Variants in RALYL observed in about 807,000 individuals in gnomAD.
RALYL encodes RALY RNA binding protein like, also known as RNA-binding Raly-like protein.
Under a neutral mutation model 35.1 loss-of-function variants are expected in RALYL, and 29 were observed. The ratio of observed to expected loss-of-function variants is 0.83; its 90% CI spans 0.61 to 1.13. The LOEUF (loss-of-function observed/expected upper bound fraction) is 1.13. RALYL is among the 50% of genes most tolerant of loss of function. The probability of loss-of-function intolerance (pLI) is 0.00; values close to 1 mark genes in which losing one functional copy is unlikely to be tolerated. For missense variants in RALYL, 359 were observed against 360.4 expected, an observed-to-expected ratio of 1.00 and a Z score of 0.03; for synonymous variants, 120 against 127.6, an observed-to-expected ratio of 0.94 and a Z score of 0.40.
intron 1 of RALYL, among the ~76,000 whole-genome samples, chr8:84,261,360 A>T (rs1443169608): frequency 6.6e-6 from 1 of 152,184 alleles, no homozygotes; most frequent in African/African-American, 2.4e-5. Flanking sequence ...TAATAGAATC[A>T]TGGGGGCGGT....
chr8:84,428,931 G>GA (rs1205123356), intron 1 of RALYL, among the ~76,000 whole-genome samples: 5 of 152,004 alleles, frequency 3.3e-5, no homozygotes, highest in Non-Finnish European at 5.9e-5. Flanking sequence ...ATTTCAAGGG[G>GA]AAAAATTGCA....
chr8:84,568,413 T>A (rs1187366780), intron 2 of RALYL, among the ~76,000 whole-genome samples: 1 of 151,788 alleles, frequency 6.6e-6, no homozygotes, highest in Admixed American at 6.6e-5. Flanking sequence ...TATTCCATGG[T>A]GTGTATGTGC....
chr8:84,225,692 A>G (rs75984494), intron 1 of RALYL, among the ~76,000 whole-genome samples: 1 of 152,058 alleles, frequency 6.6e-6, no homozygotes, highest in African/African-American at 2.4e-5. Flanking sequence ...TTTGGCCTCA[A>G]ACTTGTGTGA....
chr8:84,539,304 T>C lies in RALYL; in HGVS notation c.256+9727T>C, dbSNP rs182048684. Among the ~76,000 whole-genome samples the C allele has an allele frequency of 2.8e-3, 420 of 152,230 alleles. 1 individual carries two copies. The highest frequency in any genetic ancestry group is 5.2e-3 in the Non-Finnish European group (351 of 67,988). On this transcript the variant is annotated intron_variant, in intron 2 of 8. Coordinates refer to ENST00000521268, the MANE Select transcript of RALYL (RefSeq NM_173848.7). ...ATGGTTAAAAACATTTCCTGGGACA[T>C]ACAAAGTGATGTAAAAACCTAAAAG... is the stretch of plus-strand genomic sequence containing the variant.
At chr8:84,235,658 G>A (rs1826352334) in intron 1 of RALYL, among the ~76,000 whole-genome samples, 2 of 151,970 alleles carry the variant, frequency 1.3e-5, no homozygotes, top group Admixed American at 6.5e-5. Context: ...GCATTGGATA[G>A]TTAGTAATAT....
intron 1 of RALYL, among the ~76,000 whole-genome samples, chr8:84,484,710 T>C (rs1172040489): frequency 2.0e-5 from 3 of 152,190 alleles, no homozygotes; most frequent in African/African-American, 7.2e-5. Context: ...CCAAAATACA[T>C]CTATTCATTA....
At chr8:84,589,754 G>A (rs1337310728) in intron 2 of RALYL, among the ~76,000 whole-genome samples, 1 of 152,180 alleles carries the variant, frequency 6.6e-6, no homozygotes, top group African/African-American at 2.4e-5. Flanking sequence ...CACATTTTAA[G>A]AGAAGAGCAA....
At chr8:84,674,621 T>G (rs1833856235) in intron 2 of RALYL, among the ~76,000 whole-genome samples, 1 of 152,212 alleles carries the variant, frequency 6.6e-6, no homozygotes, top group African/African-American at 2.4e-5. Flanking sequence ...CACAGTACTT[T>G]AAAAGTACTT....
intron 2 of RALYL, among the ~76,000 whole-genome samples, chr8:84,755,331 G>A (rs536131328): frequency 1.3e-5 from 2 of 152,124 alleles, no homozygotes; most frequent in Non-Finnish European, 2.9e-5. Flanking sequence ...AGTGTTGTCT[G>A]CCACAAATAC....
chr8:84,367,689 C>T (rs1397587328), intron 1 of RALYL, among the ~76,000 whole-genome samples: 1 of 152,034 alleles, frequency 6.6e-6, no homozygotes, highest in African/African-American at 2.4e-5. Flanking sequence ...CAATCTCTCC[C>T]ATACTTTTCT....
chr8:84,318,912 C>T (rs1252318961), intron 1 of RALYL, among the ~76,000 whole-genome samples: 1 of 152,116 alleles, frequency 6.6e-6, no homozygotes, highest in Non-Finnish European at 1.5e-5. Flanking sequence ...AAAAGTCTTA[C>T]AGGCTTTATT....
intron 1 of RALYL, among the ~76,000 whole-genome samples, chr8:84,185,824 G>A (rs995990635): frequency 1.1e-4 from 16 of 152,090 alleles, no homozygotes; most frequent in African/African-American, 3.9e-4. Context: ...CATGACAAAG[G>A]GGTTTATAAC....
At chr8:84,725,898 G>A (rs2132717225) in intron 2 of RALYL, among the ~76,000 whole-genome samples, 1 of 151,624 alleles carries the variant, frequency 6.6e-6, no homozygotes, top group South Asian at 2.1e-4. Context: ...ATAGTATTAA[G>A]CAATCTTAGT....
At chr8:84,547,008 G>A (rs1200958169) in intron 2 of RALYL, among the ~76,000 whole-genome samples, 2 of 151,992 alleles carry the variant, frequency 1.3e-5, no homozygotes, top group Non-Finnish European at 2.9e-5. Context: ...AGAACGTGCA[G>A]GTTTGTTCCA....
intron 2 of RALYL, among the ~76,000 whole-genome samples, chr8:84,642,068 G>T (rs1478075522): frequency 6.6e-6 from 1 of 151,772 alleles, no homozygotes; most frequent in Non-Finnish European, 1.5e-5. Context: ...AAGCCAATTT[G>T]GTAGCATACT....
Position 84,887,632 on chromosome 8 carries a change from T to G in RALYL, c.714T>G (p.Ser238Arg). 1 of 1,606,924 alleles carries G rather than the reference T, an allele frequency of 6.2e-7. No homozygotes were observed. The highest frequency in any genetic ancestry group is 2.3e-5 in the East Asian group (1 of 44,226). Reference sequence around the variant, plus strand: ...CTCAGAAGAAGCAATTGGAAGAGAGTCTAGTGCTGATCCAAGAGGAATGTG... The same window carrying G: ...CTCAGAAGAAGCAATTGGAAGAGAGGCTAGTGCTGATCCAAGAGGAATGTG... ...AEAQKKQLEE[S>R]LVLIQEECVS... The change falls in exon 8 of 9, where the codon AGT becomes AGG. Residue 238 changes from serine (S) to arginine (R), a missense_variant. By Grantham distance (110) the Ser-to-Arg change is moderately radical. Transcript: ENST00000521268.
At chr8:84,506,140 A>G (rs2057146138) in intron 1 of RALYL, among the ~76,000 whole-genome samples, 1 of 152,086 alleles carries the variant, frequency 6.6e-6, no homozygotes, top group Non-Finnish European at 1.5e-5. Context: ...TAACTAGGTC[A>G]CCATGCTGTC....
At chr8:84,842,189 T>G (rs1393247504) in intron 4 of RALYL, among the ~76,000 whole-genome samples, 1 of 152,062 alleles carries the variant, frequency 6.6e-6, no homozygotes, top group Non-Finnish European at 1.5e-5. Context: ...GCTGGTTTTT[T>G]GAAAAGATCA....
At chr8:84,423,080 C>G (rs1401217501) in intron 1 of RALYL, among the ~76,000 whole-genome samples, 2 of 150,336 alleles carry the variant, frequency 1.3e-5, no homozygotes, top group East Asian at 3.9e-4. Flanking sequence ...TGGTGCAGAG[C>G]TGAGTTCAAT....
Sources: allele counts gnomAD v4.1 joint callset (sites outside exome capture counted in the v4.1 genomes callset), GRCh38; gene constraint gnomAD v4.1.1; transcripts MANE v1.5; gene names NCBI Gene and HGNC (gene_info 2026-07-23, HGNC 2026-07-21).